Variants in TBX4 observed in about 807,000 individuals in gnomAD.
TBX4 encodes T-box transcription factor TBX4.
TBX4 carries 13 observed loss-of-function variants against 54.6 expected under a neutral mutation model. The observed-to-expected ratio is 0.24, with a 90% CI of 0.15 to 0.38. TBX4 has a LOEUF of 0.38. Ranked by LOEUF, TBX4 falls within the 10% of genes least tolerant of loss-of-function variation. The pLI, the probability that TBX4 is intolerant of heterozygous loss-of-function variation, is 1.00. For synonymous variants in TBX4, 314 were observed against 306.7 expected, an observed-to-expected ratio of 1.02 and a Z score of -0.25; for missense variants, 631 against 728.5, an observed-to-expected ratio of 0.87 and a Z score of 1.54.
At chr17:61,454,101 G>A (rs966403815) in intron 1 of TBX4, among the ~76,000 whole-genome samples, 3 of 152,226 alleles carry the variant, frequency 2.0e-5, no homozygotes, top group Non-Finnish European at 2.9e-5. Flanking sequence ...TTTAGTAACA[G>A]TAAGCTAACG....
rs1569047800 is a variant in TBX4 at position 61,483,875 on chromosome 17, C to G, written c.*359C>G. 3.5e-6 allele frequency: 1 copy of G among 289,424 alleles called. No individual in the cohort carries two copies. 17.9% of individuals were successfully genotyped at this position (289,424 alleles called of 1,614,324 possible). On this transcript the variant is annotated 3_prime_UTR_variant, in exon 9 of 9. Coordinates refer to ENST00000644296, the MANE Select transcript of TBX4 (RefSeq NM_001321120.2). This position sits in a 1 kb window ranked among gnomAD's most constrained non-coding sequence, Gnocchi z 6.6. The stretch of plus-strand genomic sequence containing the variant: ...TTATAATGGTTGATTTACTCAGGGG[C>G]CAGGTGGGGAGTTCTCTCCCATGGG...
At chr17:61,453,941 G>A (rs1045697602) in intron 1 of TBX4, among the ~76,000 whole-genome samples, 2 of 152,124 alleles carry the variant, frequency 1.3e-5, no homozygotes, top group Non-Finnish European at 2.9e-5. Flanking sequence ...AGCAAGCAAC[G>A]GAAACGTATT....
chr17:61,464,329 C>G lies in TBX4; in HGVS notation c.282-1490C>G, dbSNP rs1234868019. 1 of 152,330 alleles carries G rather than the reference C, an allele frequency of 6.6e-6. No individual in the cohort carries two copies. Among genetic ancestry groups the G allele is most frequent in the Non-Finnish European group, 1.5e-5 (1 of 68,136 alleles). The allele number at this position is 152,330 out of a possible 1,614,324, so 9.4% of individuals were successfully genotyped here. ...GGCTGGCAAGGAAGTGAACCCTCCA[C>G]CTCGGTCGGGGTCCTCGCCTGGGCT... On this transcript the variant is annotated intron_variant, in intron 3 of 8. Transcript: ENST00000644296. This position sits in a 1 kb window ranked among gnomAD's most constrained non-coding sequence, Gnocchi z 5.8.
Position 61,483,616 on chromosome 17 carries a change from G to GTGTGTGTA in TBX4, c.*107_*108insATGTGTGT. On this transcript the variant is annotated 3_prime_UTR_variant, in exon 9 of 9. Transcript: ENST00000644296. This position sits in a 1 kb window ranked among gnomAD's most constrained non-coding sequence, Gnocchi z 6.6. The stretch of plus-strand genomic sequence containing the variant: ...AAGAAACACAGGAAGGTATTCCAGT[G>GTGTGTGTA]TGTGTGTGTGTGTGTGTGTGTGTGT... 1 of 770,052 alleles carries GTGTGTGTA rather than the reference G, an allele frequency of 1.3e-6. No individual in the cohort carries two copies. The highest frequency in any genetic ancestry group is 2.2e-5 in the Admixed American group (1 of 45,008). 47.7% of individuals were successfully genotyped at this position (770,052 alleles called of 1,614,324 possible).
chr17:61,475,508 A>T lies in TBX4; in HGVS notation c.550-3119A>T, dbSNP rs1420612874. On this transcript the variant is annotated intron_variant, in intron 5 of 8. Transcript: ENST00000644296. The surrounding 1 kb of genome is among the most constrained non-coding windows in gnomAD (Gnocchi z 5.0). ...GGAGGTAGGGGGAGGCTGTCCTAGCAGCCCAGCCAAAGATGGTGGGGCCTG... is the reference window on the plus strand; with the variant it reads ...GGAGGTAGGGGGAGGCTGTCCTAGCTGCCCAGCCAAAGATGGTGGGGCCTG... Among the ~76,000 whole-genome samples the T allele has an allele frequency of 6.6e-6, 1 of 152,188 alleles. No individual in the cohort carries two copies. Among genetic ancestry groups the T allele is most frequent in the Non-Finnish European group, 1.5e-5 (1 of 68,040 alleles).
intron 5 of TBX4, among the ~76,000 whole-genome samples, chr17:61,469,568 TGGGTGTGGCAGGGCCCAG>T (rs1001633339): frequency 6.6e-6 from 1 of 152,220 alleles, no homozygotes; most frequent in African/African-American, 2.4e-5. Flanking sequence ...AACAGCCCTG[TGGGTGTGGCAGGGCCCAG>T]GTACCGTCTC....
intron 5 of TBX4, among the ~76,000 whole-genome samples, chr17:61,473,353 G>A (rs572712042): frequency 6.6e-6 from 1 of 152,342 alleles, no homozygotes; most frequent in South Asian, 2.1e-4. Flanking sequence ...CAATCACTGT[G>A]ACATCCTAGT....
chr17:61,478,872 C>T lies in TBX4; in HGVS notation c.702+93C>T. The T allele has an allele frequency of 6.2e-7, 1 of 1,601,270 alleles. No homozygotes were observed. The highest frequency in any genetic ancestry group is 8.6e-7 in the Non-Finnish European group (1 of 1,169,186). ...GAGAGGCAGAGTGTGAAGCCAGAGT[C>T]CCAGCAGGGCTTGGGCAGGCCCAGT... On this transcript the variant is annotated intron_variant, in intron 6 of 8. Transcript: ENST00000644296. The surrounding 1 kb of genome is among the most constrained non-coding windows in gnomAD (Gnocchi z 7.4).
In TBX4 at chr17:61,476,412, G is replaced by A. The variant is rs1454137625; in HGVS notation, c.550-2215G>A. 6.6e-6 allele frequency among the ~76,000 whole-genome samples: 1 copy of A among 152,194 alleles called. No homozygotes were observed. Among genetic ancestry groups the A allele is most frequent in the African/African-American group, 2.4e-5 (1 of 41,442 alleles). ...GGAACTGGGCATTCCTGGAGCTATC[G>A]GGCCACCTCCCAGGTATTCCATTGC... On this transcript the variant is annotated intron_variant, in intron 5 of 8. Transcript: ENST00000644296. The surrounding 1 kb of genome is among the most constrained non-coding windows in gnomAD (Gnocchi z 6.5).
At position 61,480,398 on chromosome 17, in the gene TBX4, C is replaced by A. The variant is rs1000507548; in HGVS notation, c.1021+79C>A. ...TCCCCGAAACCACTCTGCAGCGCCC[C>A]CCCCCCCAACACACACACACTCATC... On this transcript the variant is annotated intron_variant, in intron 8 of 8. Transcript: ENST00000644296. This position sits in a 1 kb window ranked among gnomAD's most constrained non-coding sequence, Gnocchi z 6.2. 14 of 1,140,626 alleles carry A rather than the reference C, an allele frequency of 1.2e-5. No individual in the cohort carries two copies. Among genetic ancestry groups the A allele is most frequent in the African/African-American group, 6.3e-5 (4 of 63,518 alleles). 70.7% of individuals were successfully genotyped at this position (1,140,626 alleles called of 1,614,324 possible). A position where few individuals can be genotyped will look rare whatever the true frequency, so the allele number is the denominator to read the frequency against.
intron 5 of TBX4, among the ~76,000 whole-genome samples, chr17:61,473,703 T>G (rs1378710033): frequency 2.0e-5 from 3 of 152,348 alleles, no homozygotes; most frequent in African/African-American, 7.2e-5. Context: ...GCTGGGCAAA[T>G]GCCTGCACCT....
At chr17:61,454,669 C>A (rs1012082207) in intron 1 of TBX4, among the ~76,000 whole-genome samples, 1 of 152,230 alleles carries the variant, frequency 6.6e-6, no homozygotes, top group East Asian at 1.9e-4. Context: ...GTCCCCAGTC[C>A]GAGCTGCGGG....
Position 61,484,474 on chromosome 17 carries a change from G to T in TBX4, c.*958G>T, listed in dbSNP as rs2060688965. 1 of 152,104 alleles carries T rather than the reference G, an allele frequency of 6.6e-6. No homozygotes were observed. The highest frequency in any genetic ancestry group is 2.1e-4 in the South Asian group (1 of 4,830). The allele number at this position is 152,104 out of a possible 1,614,324, so 9.4% of individuals were successfully genotyped here. A position where few individuals can be genotyped will look rare whatever the true frequency, so the allele number is the denominator to read the frequency against. On this transcript the variant is annotated 3_prime_UTR_variant, in exon 9 of 9. Transcript: ENST00000644296. This position sits in a 1 kb window ranked among gnomAD's most constrained non-coding sequence, Gnocchi z 4.1. ...GGAGCTGATGTCTGGCATCTCCAGG[G>T]CCTGTTCTGCTCTCAGAAAATCTAC...
At chr17:61,467,400 A>G in intron 4 of TBX4, 110 bp from the exon 5 acceptor site, 1 of 1,270,982 alleles carries the variant, frequency 7.9e-7, no homozygotes, top group Non-Finnish European at 1.1e-6. Context: ...TGGTGGGACC[A>G]GCAGCTATTT....
In TBX4 at chr17:61,465,887, T is replaced by C; in HGVS notation, c.350T>C (p.Ile117Thr). Residue 117 changes from isoleucine (I) to threonine (T), a missense_variant, in exon 4 of 9, where the codon ATT becomes ACT. Ile to Thr is a moderately conservative substitution (Grantham distance 89). Transcript: ENST00000644296. The surrounding 1 kb of genome is among the most constrained non-coding windows in gnomAD (Gnocchi z 4.9). ...CCCAAGACCAAGTATATCCTGCTGATTGACATTGTCCCTGCCGATGACCAT... is the reference window on the plus strand; with the variant it reads ...CCCAAGACCAAGTATATCCTGCTGACTGACATTGTCCCTGCCGATGACCAT... Reference protein sequence around the residue: ...MNPKTKYILLIDIVPADDHRY... With the variant: ...MNPKTKYILLTDIVPADDHRY... 1 of 1,614,134 alleles carries C rather than the reference T, an allele frequency of 6.2e-7. No homozygotes were observed. Among genetic ancestry groups the C allele is most frequent in the Non-Finnish European group, 8.5e-7 (1 of 1,180,008 alleles).
chr17:61,456,319 C>T, intron 1 of TBX4, 169 bp from the exon 2 acceptor site: 1 of 825,972 alleles, frequency 1.2e-6, no homozygotes, highest in South Asian at 1.5e-5. Flanking sequence ...AGGCGAGGGA[C>T]CTGCCTTCCT....
chr17:61,484,339 A>T lies in TBX4; in HGVS notation c.*823A>T, dbSNP rs1299217818. The T allele has an allele frequency of 6.6e-6, 1 of 151,802 alleles. No individual in the cohort carries two copies. Among genetic ancestry groups the T allele is most frequent in the African/African-American group, 2.4e-5 (1 of 41,244 alleles). 9.4% of individuals were successfully genotyped at this position (151,802 alleles called of 1,614,324 possible). The stretch of plus-strand genomic sequence containing the variant: ...CTAGGTCCCCAACATACAGTCTCTC[A>T]CTCTGGTGTGTGGAGAGTCAGCCTC... On this transcript the variant is annotated 3_prime_UTR_variant, in exon 9 of 9. Transcript: ENST00000644296. The surrounding 1 kb of genome is among the most constrained non-coding windows in gnomAD (Gnocchi z 4.1).
In TBX4 at chr17:61,478,715, C is replaced by T. The variant is rs928789457; in HGVS notation, c.638C>T (p.Ala213Val). 2 of 1,614,220 alleles carry T rather than the reference C, an allele frequency of 1.2e-6. No homozygotes were observed. The highest frequency in any genetic ancestry group is 1.7e-6 in the Non-Finnish European group (2 of 1,180,044). Residue 213 changes from alanine to valine, a missense_variant, in exon 6 of 9, where the codon GCT becomes GTT. Physicochemically the swap from Ala to Val is moderately conservative, Grantham distance 64 (BLOSUM62 0). Coordinates refer to ENST00000644296, the MANE Select transcript of TBX4 (RefSeq NM_001321120.2). This position sits in a 1 kb window ranked among gnomAD's most constrained non-coding sequence, Gnocchi z 7.4. ...AATGCTTTCGGCTCCAAAAACACTG[C>T]TTTCTGCACCCACGTGTTCCCAGAG... ...ENNAFGSKNT[A>V]FCTHVFPETS...
intron 1 of TBX4, among the ~76,000 whole-genome samples, chr17:61,453,912 A>G (rs950161143): frequency 2.6e-5 from 4 of 152,244 alleles, no homozygotes; most frequent in African/African-American, 9.6e-5. Context: ...CAGCGTGACA[A>G]AGTATAATCA....
Sources: gnomAD v4.1 joint callset for allele counts (sites outside exome capture counted in the v4.1 genomes callset) on GRCh38, gnomAD v4.1.1 for gene constraint, Gnocchi (gnomAD v3.1) non-coding constraint, MANE v1.5 for transcripts, NCBI Gene and HGNC (gene_info 2026-07-23, HGNC 2026-07-21) for gene names.